ANKRD44: variants seen among roughly 807,000 people sequenced by gnomAD.
The protein encoded by ANKRD44 is serine/threonine-protein phosphatase 6 regulatory ankyrin repeat subunit B.
Under a neutral mutation model 116.0 loss-of-function variants are expected in ANKRD44, and 35 were observed. That is an observed-to-expected ratio of 0.30 (90% CI 0.23 to 0.40). The LOEUF (loss-of-function observed/expected upper bound fraction) is 0.40. Ranked by LOEUF, ANKRD44 falls within the 10% of genes least tolerant of loss-of-function variation. The pLI, the probability that ANKRD44 is intolerant of heterozygous loss-of-function variation, is 1.00. For synonymous variants in ANKRD44, 435 were observed against 461.8 expected, an observed-to-expected ratio of 0.94 and a Z score of 0.74; for missense variants, 1,014 against 1,242.6, an observed-to-expected ratio of 0.82 and a Z score of 2.77.
intron 1 of ANKRD44, among the ~76,000 whole-genome samples, chr2:197,268,324 G>A (rs557548867): frequency 4.6e-5 from 7 of 152,308 alleles, no homozygotes; most frequent in South Asian, 4.1e-4. Context: ...ACTGGGGCAC[G>A]GGAAATAGGA....
intron 16 of ANKRD44, among the ~76,000 whole-genome samples, chr2:197,073,966 T>C (rs1021878813): frequency 1.3e-5 from 2 of 152,156 alleles, no homozygotes; most frequent in African/African-American, 2.4e-5. Flanking sequence ...GCCCCCAAAA[T>C]TTTTTCTGCC....
At chr2:197,278,591 C>T (rs1173470837) in intron 1 of ANKRD44, among the ~76,000 whole-genome samples, 1 of 152,202 alleles carries the variant, frequency 6.6e-6, no homozygotes, top group African/African-American at 2.4e-5. Context: ...CAACCTCAGC[C>T]TCCCAAAGTT....
At chr2:197,287,747 C>T (rs757422955) in intron 1 of ANKRD44, among the ~76,000 whole-genome samples, 10 of 152,036 alleles carry the variant, frequency 6.6e-5, no homozygotes, top group East Asian at 3.9e-4. Flanking sequence ...GCGCTGGGTA[C>T]GGTAGCTCAC....
In ANKRD44 at chr2:197,272,313, A is replaced by G. The variant is rs567699176; in HGVS notation, c.27+38265T>C. ...GAGTGCAGTGACACGATCTCAGCTC[A>G]CTGCAACCTCCGCCTCCCGGGTTCA... On this transcript the variant is annotated intron_variant, in intron 1 of 27. Transcript: ENST00000282272. 3.0e-3 allele frequency among the ~76,000 whole-genome samples: 463 copies of G among 152,300 alleles called. 4 individuals carry two copies. The highest frequency in any genetic ancestry group is 0.011 in the African/African-American group (441 of 41,566).
intron 1 of ANKRD44, among the ~76,000 whole-genome samples, chr2:197,259,953 T>C (rs150441477): frequency 0.012 from 1,830 of 152,292 alleles, 36 homozygotes; most frequent in Middle Eastern, 0.024. Flanking sequence ...GAAAAGAATG[T>C]GGTCCAATAA....
chr2:197,164,283 C>T, intron 2 of ANKRD44, among the ~76,000 whole-genome samples: 1 of 152,196 alleles, frequency 6.6e-6, no homozygotes, highest in East Asian at 1.9e-4. Flanking sequence ...TAGCAAGACC[C>T]CTTGGTGCCT....
intron 1 of ANKRD44, among the ~76,000 whole-genome samples, chr2:197,190,712 T>G (rs1319957023): frequency 1.3e-5 from 2 of 152,204 alleles, no homozygotes; most frequent in African/African-American, 2.4e-5. Flanking sequence ...AATATTCTAA[T>G]TACAATATTC....
chr2:197,121,466 A>C lies in ANKRD44; in HGVS notation c.772T>G (p.Leu258Val), dbSNP rs765284456. The C allele has an allele frequency of 1.2e-6, 2 of 1,614,052 alleles. No homozygotes were observed. The highest frequency in any genetic ancestry group is 1.7e-6 in the Non-Finnish European group (2 of 1,180,044). The change falls in exon 8 of 28, where the codon TTG (leucine) becomes GTG (valine). Residue 258 changes from leucine to valine, a missense_variant. Coordinates refer to ENST00000282272, the MANE Select transcript of ANKRD44 (RefSeq NM_001195144.2). ...TTCACGTTAGCACCGTAGTCAATCAACTCGTTAACCACAGCATCCTGTCCA... is the reference window on the plus strand; with the variant it reads ...TTCACGTTAGCACCGTAGTCAATCACCTCGTTAACCACAGCATCCTGTCCA... ...YNGQDAVVNE[L>V]IDYGANVNQP...
At chr2:197,026,999 T>C (rs1209582399) in intron 16 of ANKRD44, among the ~76,000 whole-genome samples, 2 of 151,662 alleles carry the variant, frequency 1.3e-5, no homozygotes, top group East Asian at 1.9e-4. Context: ...GAGTGGGATA[T>C]ATATAGTGGA....
At chr2:197,067,044 C>T (rs1194323725) in intron 16 of ANKRD44, among the ~76,000 whole-genome samples, 2 of 152,142 alleles carry the variant, frequency 1.3e-5, no homozygotes, top group African/African-American at 2.4e-5. Context: ...TACTACAAGG[C>T]TACAGTAACC....
intron 1 of ANKRD44, among the ~76,000 whole-genome samples, chr2:197,198,645 T>G (rs1200061758): frequency 6.6e-6 from 1 of 151,696 alleles, no homozygotes; most frequent in African/African-American, 2.4e-5. Context: ...TACAAAAAAT[T>G]AGCCAGGCAT....
chr2:197,282,863 C>T (rs953818587), intron 1 of ANKRD44, among the ~76,000 whole-genome samples: 6 of 152,272 alleles, frequency 3.9e-5, no homozygotes, highest in African/African-American at 1.4e-4. Flanking sequence ...GAGGCTGAGG[C>T]AGGAGGATCA....
intron 16 of ANKRD44, among the ~76,000 whole-genome samples, chr2:197,033,860 A>G (rs1349266314): frequency 6.6e-6 from 1 of 152,178 alleles, no homozygotes; most frequent in Non-Finnish European, 1.5e-5. Flanking sequence ...GTTAATTAAG[A>G]AGACAATGTA....
chr2:196,998,387 T>C lies in ANKRD44; in HGVS notation c.2698A>G (p.Thr900Ala). ...ILVNSAQADL[T>A]VKDKDLNTPL... ...GTATTCAAGTCCTTATCCTTTACAG[T>C]CAGATCAGCCTGGGCACTGTTCACC... The change falls in exon 25 of 28, where the codon ACT becomes GCT. Residue 900 changes from threonine (T) to alanine (A), a missense_variant. Physicochemically the swap from Thr to Ala is moderately conservative, Grantham distance 58. Transcript: ENST00000282272. 1 of 1,613,968 alleles carries C rather than the reference T, an allele frequency of 6.2e-7. No homozygotes were observed. The highest frequency in any genetic ancestry group is 8.5e-7 in the Non-Finnish European group (1 of 1,179,936).
chr2:197,288,461 T>C (rs764912903), intron 1 of ANKRD44, among the ~76,000 whole-genome samples: 12 of 152,168 alleles, frequency 7.9e-5, no homozygotes, highest in Non-Finnish European at 1.3e-4. Context: ...AACTTCTATA[T>C]GACCTAGCAA....
intron 21 of ANKRD44, among the ~76,000 whole-genome samples, chr2:196,971,941 T>C (rs2075718750): frequency 1.3e-5 from 2 of 152,216 alleles, no homozygotes; most frequent in African/African-American, 2.4e-5. Context: ...TGCATGGATC[T>C]CTATCCCAGC....
chr2:197,021,322 G>C (rs913421387), intron 17 of ANKRD44, among the ~76,000 whole-genome samples: 1 of 152,286 alleles, frequency 6.6e-6, no homozygotes. Context: ...TCCCAGTAAT[G>C]GGATGGCTGG....
At position 197,169,890 on chromosome 2, in the gene ANKRD44, T is replaced by A. The variant is rs79729834; in HGVS notation, c.111+17133A>T. ...GATCATCCCAGCTGTTAAAAATTTT[T>A]TAAAAAAAAGAGGGAGGAGGCCAGG... On this transcript the variant is annotated intron_variant, in intron 2 of 27. Transcript: ENST00000282272. Among the ~76,000 whole-genome samples the A allele has an allele frequency of 6.9e-3, 1,054 of 151,670 alleles. 5 individuals are homozygous for A. Among genetic ancestry groups the A allele is most frequent in the East Asian group, 0.018 (92 of 5,164 alleles).
chr2:197,065,328 C>G (rs1441006170), intron 16 of ANKRD44, among the ~76,000 whole-genome samples: 2 of 152,134 alleles, frequency 1.3e-5, no homozygotes, highest in African/African-American at 4.8e-5. Context: ...ATTTATAGCA[C>G]TAAATACCCA....
Sources: gnomAD v4.1 joint callset for allele counts (sites outside exome capture counted in the v4.1 genomes callset) on GRCh38, gnomAD v4.1.1 for gene constraint, MANE v1.5 for transcripts, NCBI Gene and HGNC (gene_info 2026-07-23, HGNC 2026-07-21) for gene names.